The following TOX2 variants were observed in gnomAD, a reference collection of about 807,000 sequenced individuals.
TOX2 encodes the protein TOX high mobility group box family member 2.
Under a neutral mutation model 47.4 loss-of-function variants are expected in TOX2, and 15 were observed. That is an observed-to-expected ratio of 0.32 (90% CI 0.21 to 0.49). The LOEUF is 0.49. TOX2 is among the 20% of genes least tolerant of loss of function. The pLI, the probability that TOX2 is intolerant of heterozygous loss-of-function variation, is 0.99. For missense variants in TOX2, 622 were observed against 673.1 expected, an observed-to-expected ratio of 0.92 and a Z score of 0.84; for synonymous variants, 290 against 296.6, an observed-to-expected ratio of 0.98 and a Z score of 0.23.
At chr20:43,935,925 CCCA>C (rs968355372) in intron 1 of TOX2, among the ~76,000 whole-genome samples, 4 of 55,038 alleles carry the variant, frequency 7.3e-5, no homozygotes, top group African/African-American at 2.3e-4. Context: ...GAAACTCCAT[CCCA>C]AAAAAAAAAA....
intron 1 of TOX2, among the ~76,000 whole-genome samples, chr20:43,967,329 G>A (rs1452930705): frequency 6.6e-6 from 1 of 152,158 alleles, no homozygotes; most frequent in African/African-American, 2.4e-5. Flanking sequence ...CTAAAGATGA[G>A]GATTTGAGAA....
At position 43,916,166 on chromosome 20, in the gene TOX2, C is replaced by G; in HGVS notation, c.99+1176C>G. 1.0e-6 allele frequency: 1 copy of G among 985,528 alleles called. No homozygotes were observed. The highest frequency in any genetic ancestry group is 1.2e-6 in the Non-Finnish European group (1 of 829,966). 61.0% of individuals were successfully genotyped at this position (985,528 alleles called of 1,614,324 possible). A position where few individuals can be genotyped will look rare whatever the true frequency, so the allele number is the denominator to read the frequency against. ...GGATTGAACAGCGCGCGTGGGTTTC[C>G]CGCAGCCCTGGCGCAGACGCGTGGG... On this transcript the variant is annotated intron_variant, in intron 1 of 8. Coordinates refer to ENST00000341197, the MANE Select transcript of TOX2 (RefSeq NM_001098797.2). The surrounding 1 kb of genome is among the most constrained non-coding windows in gnomAD (Gnocchi z 5.0).
chr20:43,936,864 G>T (rs1013402484), intron 1 of TOX2, among the ~76,000 whole-genome samples: 2 of 152,200 alleles, frequency 1.3e-5, no homozygotes, highest in African/African-American at 4.8e-5. Context: ...ATGCATGCAG[G>T]ACAGGAGGCT....
At chr20:43,984,765 A>G (rs1239539224) in intron 2 of TOX2, among the ~76,000 whole-genome samples, 4 of 152,136 alleles carry the variant, frequency 2.6e-5, no homozygotes, top group Non-Finnish European at 5.9e-5. Flanking sequence ...GAGAAATTGA[A>G]TCCCAGGAAA....
chr20:44,041,670 T>C (rs1185668470), intron 3 of TOX2, among the ~76,000 whole-genome samples: 1 of 152,176 alleles, frequency 6.6e-6, no homozygotes, highest in East Asian at 1.9e-4. Flanking sequence ...CGACTATATA[T>C]TGAGAATGTA....
At chr20:43,955,703 G>A (rs1339169803) in intron 1 of TOX2, among the ~76,000 whole-genome samples, 1 of 152,190 alleles carries the variant, frequency 6.6e-6, no homozygotes, top group Non-Finnish European at 1.5e-5. Context: ...GGCTGTCATG[G>A]TTTTATTCTG....
rs376201510 is a variant in TOX2, at chr20:44,065,927, G to A, written c.1176G>A (p.Pro392=). Residue 392 remains proline, a synonymous_variant, in exon 7 of 9, where the codon CCG becomes CCA. Transcript: ENST00000341197. The stretch of plus-strand genomic sequence containing the variant: ...CAGGCCTCAGTGCGTCCCCGCCGCC[G>A]CCACCCTCCTTCCCGCTCAGCCCCA... ...LLPGLSASPP[P]PPSFPLSPTL... The A allele has an allele frequency of 2.9e-5, 46 of 1,611,104 alleles. No homozygotes were observed. The East Asian group carries it at 5.6e-4, about 20-fold the overall frequency.
rs1181752153 is a variant in TOX2 at position 44,014,775 on chromosome 20, C to T, written c.411+7983C>T. 2.6e-5 allele frequency among the ~76,000 whole-genome samples: 4 copies of T among 152,256 alleles called. No individual in the cohort carries two copies. In the East Asian group the frequency reaches 7.7e-4, roughly 29 times the overall value. On this transcript the variant is annotated intron_variant, in intron 3 of 8. Transcript: ENST00000341197. ...CACTTTATTGACGGGGTTGGGGTGG[C>T]TTCAGCCTCGTCTCTAAGTTTGTCC...
intron 2 of TOX2, among the ~76,000 whole-genome samples, chr20:44,002,277 C>T (rs1207694511): frequency 6.6e-6 from 1 of 152,182 alleles, no homozygotes; most frequent in African/African-American, 2.4e-5. Context: ...CCACCTGCAA[C>T]CATTTTGACT....
intron 3 of TOX2, among the ~76,000 whole-genome samples, chr20:44,023,431 GAAAA>G (rs35627597): frequency 1.4e-4 from 17 of 119,146 alleles, no homozygotes; most frequent in African/African-American, 5.4e-4. Context: ...CTTTATCTCA[GAAAA>G]AAAAAAAAAA....
chr20:43,985,339 G>A (rs139728607), intron 2 of TOX2, among the ~76,000 whole-genome samples: 8 of 152,312 alleles, frequency 5.3e-5, no homozygotes, highest in Admixed American at 1.3e-4. Flanking sequence ...TCACACCAAT[G>A]CTGAGAGGGC....
chr20:44,051,376 C>T lies in TOX2; in HGVS notation c.482C>T (p.Pro161Leu), dbSNP rs1369152501. 16 of 1,613,956 alleles carry T rather than the reference C, an allele frequency of 9.9e-6. No individual in the cohort carries two copies. Among genetic ancestry groups the T allele is most frequent in the Non-Finnish European group, 1.4e-5 (16 of 1,179,948 alleles). Residue 161 changes from proline to leucine, a missense_variant, in exon 4 of 9, where the codon CCG (proline) becomes CTG (leucine). Physicochemically the swap from Pro to Leu is moderately conservative, Grantham distance 98 (BLOSUM62 -3). Around this residue, in one of 3 missense-constraint regions of TOX2, gnomAD observed 307 missense variants for 327.3 expected, o/e 0.94. Coordinates refer to ENST00000341197, the MANE Select transcript of TOX2 (RefSeq NM_001098797.2). ...SGRPGPLLGR[P>L]AMLASHMSAL... ...CGGCCCGGGCCCCTGCTGGGTCGCCCGGCAATGCTGGCCAGCCACATGAGT... is the reference window on the plus strand; with the variant it reads ...CGGCCCGGGCCCCTGCTGGGTCGCCTGGCAATGCTGGCCAGCCACATGAGT...
intron 8 of TOX2, 38 bp downstream of exon 8, chr20:44,066,895 C>T (rs1569155514): frequency 6.3e-7 from 1 of 1,590,192 alleles, no homozygotes; most frequent in Non-Finnish European, 8.6e-7. Flanking sequence ...TCCTGCCAGC[C>T]AGGGAGAGTG....
intron 2 of TOX2, among the ~76,000 whole-genome samples, chr20:43,984,222 G>GT (rs1265377503): frequency 1.4e-4 from 21 of 152,150 alleles, no homozygotes; most frequent in Non-Finnish European, 1.5e-4. Flanking sequence ...TTATGGTTGT[G>GT]TTATCAGAAC....
chr20:43,971,771 T>TA (rs1439032063), intron 1 of TOX2, among the ~76,000 whole-genome samples: 1 of 152,318 alleles, frequency 6.6e-6, no homozygotes, highest in African/African-American at 2.4e-5. Flanking sequence ...AAAAAAGAAC[T>TA]ATGTTCTGAT....
chr20:43,927,002 C>T (rs1170192216), intron 1 of TOX2, among the ~76,000 whole-genome samples: 1 of 152,176 alleles, frequency 6.6e-6, no homozygotes, highest in Non-Finnish European at 1.5e-5. Flanking sequence ...TGGAAGCCAC[C>T]CTGGCTTAGA....
chr20:43,955,326 T>A, intron 1 of TOX2: 1 of 982,422 alleles, frequency 1.0e-6, no homozygotes, highest in Non-Finnish European at 1.2e-6. Context: ...TGGGGGCCTC[T>A]GGCAGCCATC....
chr20:44,024,868 C>A (rs1401178330), intron 3 of TOX2, among the ~76,000 whole-genome samples: 1 of 152,112 alleles, frequency 6.6e-6, no homozygotes, highest in East Asian at 1.9e-4. Context: ...ACAAAATTTA[C>A]ATACATGGGA....
chr20:43,934,441 C>T (rs1327461658), intron 1 of TOX2, among the ~76,000 whole-genome samples: 1 of 152,158 alleles, frequency 6.6e-6, no homozygotes, highest in Non-Finnish European at 1.5e-5. Flanking sequence ...GGGCACTGGG[C>T]CGGGGTCACA....
Sources: gnomAD v4.1 joint callset for allele counts (sites outside exome capture counted in the v4.1 genomes callset) on GRCh38, gnomAD v4.1.1 for gene constraint, gnomAD v4.1.1 regional missense constraint, Gnocchi (gnomAD v3.1) non-coding constraint, MANE v1.5 for transcripts, NCBI Gene and HGNC (gene_info 2026-07-23, HGNC 2026-07-21) for gene names.